Variants in SLC12A7 observed in about 807,000 individuals in gnomAD.
SLC12A7 encodes K-Cl cotransporter 4.
SLC12A7 carries 100 observed loss-of-function variants against 120.6 expected under a neutral mutation model. That is an observed-to-expected ratio of 0.83 (90% confidence interval 0.71 to 0.98). SLC12A7 has a LOEUF of 0.98. SLC12A7 is among the 50% of genes least tolerant of loss of function. The pLI is 0.00. For synonymous variants in SLC12A7, 760 were observed against 678.0 expected (o/e 1.12, Z -1.88); for missense variants, 1,373 against 1,548.1 (o/e 0.89, Z 1.90).
chr5:1,100,029 G>T (rs1458987300), intron 1 of SLC12A7, among the ~76,000 whole-genome samples: 1 of 152,212 alleles, frequency 6.6e-6, no homozygotes, highest in Non-Finnish European at 1.5e-5. Context: ...TAGCATCCAG[G>T]GCGAGAAGAA....
At chr5:1,102,484 T>G (rs1456993647) in intron 1 of SLC12A7, among the ~76,000 whole-genome samples, 1 of 152,152 alleles carries the variant, frequency 6.6e-6, no homozygotes, top group Non-Finnish European at 1.5e-5. Flanking sequence ...AGGAACGTCC[T>G]CTTAGACTCA....
intron 3 of SLC12A7, among the ~76,000 whole-genome samples, chr5:1,089,976 G>A (rs1451140684): frequency 3.9e-5 from 6 of 152,270 alleles, no homozygotes; most frequent in Admixed American, 2.0e-4. Context: ...ACAAGGTGAC[G>A]TTTTAACAGG....
In SLC12A7 at chr5:1,078,685, G is replaced by T. The variant is rs761021498; in HGVS notation, c.1454+16C>A. 1.9e-6 allele frequency: 3 copies of T among 1,607,598 alleles called. No individual in the cohort carries two copies. Among genetic ancestry groups the T allele is most frequent in the Non-Finnish European group, 2.6e-6 (3 of 1,175,504 alleles). On this transcript the variant is annotated intron_variant, in intron 11 of 23. Coordinates refer to ENST00000264930, the MANE Select transcript of SLC12A7 (RefSeq NM_006598.3). ...AGACTACAGGCTTTGCACGAAAACT[G>T]CAGGTGGAAACGTACTTATCTCGTA...
the SLC12A7 span, among the ~76,000 whole-genome samples, chr5:1,154,942 C>T: frequency 0.028 from 4,312 of 152,326 alleles, 111 homozygotes; most frequent in East Asian, 0.12. Flanking sequence ...TCGGGGCCCA[C>T]GAGCTTTAAG....
intron 17 of SLC12A7, 66 bp from the exon 18 acceptor site, chr5:1,065,544 C>T: frequency 7.9e-6 from 11 of 1,389,514 alleles, no homozygotes; most frequent in Non-Finnish European, 1.1e-5. Flanking sequence ...GCCCACCACC[C>T]ACGGTGGCCA....
chr5:1,125,091 C>T, the SLC12A7 span, among the ~76,000 whole-genome samples: 730 of 152,274 alleles, frequency 4.8e-3, 7 homozygotes, highest in African/African-American at 0.016. Context: ...AGCCACTGCC[C>T]GGCCCCTACT....
At chr5:1,060,485 G>T in intron 20 of SLC12A7, 34 bp from the exon 21 acceptor site, 1 of 1,526,578 alleles carries the variant, frequency 6.6e-7, no homozygotes, top group Non-Finnish European at 9.1e-7. Context: ...TAAGCCCGGT[G>T]TGCACAGAAC....
chr5:1,113,270 A>G (rs1031145281), upstream of SLC12A7, among the ~76,000 whole-genome samples: 1 of 152,204 alleles, frequency 6.6e-6, no homozygotes, highest in African/African-American at 2.4e-5. Flanking sequence ...CACGTGGAAA[A>G]TGGGTATGGC....
chr5:1,101,567 G>A (rs1367132688), intron 1 of SLC12A7, among the ~76,000 whole-genome samples: 1 of 152,232 alleles, frequency 6.6e-6, no homozygotes, highest in East Asian at 1.9e-4. Context: ...AAGGCGGCGA[G>A]GTCAAGCCCT....
At chr5:1,111,601 G>T (rs1743013139) in intron 1 of SLC12A7, among the ~76,000 whole-genome samples, 1 of 152,176 alleles carries the variant, frequency 6.6e-6, no homozygotes, top group African/African-American at 2.4e-5. Context: ...CCGTTTCCAT[G>T]GCTACCAGCA....
chr5:1,127,043 TCTTG>T, the SLC12A7 span, among the ~76,000 whole-genome samples: 2 of 151,928 alleles, frequency 1.3e-5, no homozygotes, highest in African/African-American at 4.8e-5. Context: ...TTAGACGAAG[TCTTG>T]CTTTGTTGCC....
chr5:1,090,505 G>A (rs866679289), intron 3 of SLC12A7, among the ~76,000 whole-genome samples: 5 of 152,194 alleles, frequency 3.3e-5, no homozygotes, highest in East Asian at 1.9e-4. Context: ...TGGTGCAAAC[G>A]AGAGAAGCGG....
intron 1 of SLC12A7, among the ~76,000 whole-genome samples, chr5:1,097,927 T>C (rs1390046069): frequency 7.0e-6 from 1 of 143,246 alleles, no homozygotes; most frequent in African/African-American, 2.7e-5. Context: ...AAGTGCCCAC[T>C]TGGGAGTGCC....
chr5:1,114,459 A>T (rs192141039), upstream of SLC12A7, among the ~76,000 whole-genome samples: 2 of 152,202 alleles, frequency 1.3e-5, no homozygotes, highest in East Asian at 3.9e-4. Context: ...GCCCATCCCT[A>T]GGGGTCTGGT....
Position 1,085,417 on chromosome 5 carries a change from C to T in SLC12A7, c.732G>A (p.Ala244=), listed in dbSNP as rs139067828. ...CACGCATGTTGTGCAGCATGGCGGC[C>T]GCCTCGCCACCTGCAGCCTCCGCCT... is the stretch of plus-strand genomic sequence containing the variant. ...IFQAEAAGGE[A]AAMLHNMRVY... Residue 244 remains alanine (A), a synonymous_variant, in exon 7 of 24, where the codon GCG becomes GCA. Coordinates refer to ENST00000264930, the MANE Select transcript of SLC12A7 (RefSeq NM_006598.3). 4.7e-5 allele frequency: 76 copies of T among 1,609,622 alleles called. No homozygotes were observed. Among genetic ancestry groups the T allele is most frequent in the Admixed American group, 1.0e-4 (6 of 59,666 alleles).
the SLC12A7 span, among the ~76,000 whole-genome samples, chr5:1,151,963 T>C: frequency 6.6e-6 from 1 of 152,188 alleles, no homozygotes; most frequent in Non-Finnish European, 1.5e-5. The surrounding 1 kb of genome is among the most constrained non-coding windows in gnomAD (Gnocchi z 6.2). Context: ...ACATGGGGGC[T>C]GTCATCGGCA....
At chr5:1,060,824 G>A (rs1409828276) in intron 20 of SLC12A7, among the ~76,000 whole-genome samples, 3 of 152,152 alleles carry the variant, frequency 2.0e-5, no homozygotes, top group African/African-American at 7.2e-5. Context: ...TGCTCAGGGG[G>A]GCTTGGCACC....
the SLC12A7 span, among the ~76,000 whole-genome samples, chr5:1,117,517 A>G: frequency 6.6e-6 from 1 of 152,250 alleles, no homozygotes; most frequent in Non-Finnish European, 1.5e-5. The surrounding 1 kb of genome is among the most constrained non-coding windows in gnomAD (Gnocchi z 4.5). Flanking sequence ...TTTAGGAGTC[A>G]TGCAGCTGGA....
At chr5:1,124,637 C>T in the SLC12A7 span, among the ~76,000 whole-genome samples, 4 of 151,956 alleles carry the variant, frequency 2.6e-5, no homozygotes, top group Non-Finnish European at 5.9e-5. Flanking sequence ...ACACATTGAA[C>T]ACTCAGCGCC....
Sources: gnomAD v4.1 joint callset for allele counts (sites outside exome capture counted in the v4.1 genomes callset) on GRCh38, gnomAD v4.1.1 for gene constraint, Gnocchi (gnomAD v3.1) non-coding constraint, MANE v1.5 for transcripts, NCBI Gene and HGNC (gene_info 2026-07-23, HGNC 2026-07-21) for gene names.